L3MBTL4: variants seen among roughly 807,000 people sequenced by gnomAD.
The protein encoded by L3MBTL4 is lethal(3)malignant brain tumor-like protein 4.
A neutral mutation model predicts 84.5 loss-of-function variants in L3MBTL4; 70 were observed. The ratio of observed to expected loss-of-function variants is 0.83; its 90% CI spans 0.68 to 1.01. L3MBTL4 has a LOEUF of 1.01. Among genes scored for constraint, L3MBTL4 ranks in the 50% least tolerant of loss-of-function variants. The pLI is 0.00. For missense variants in L3MBTL4, 715 were observed against 754.8 expected, an observed-to-expected ratio of 0.95 and a Z score of 0.62; for synonymous variants, 274 against 259.8, an observed-to-expected ratio of 1.05 and a Z score of -0.52.
chr18:5,988,554 T>TC (rs2053559775), intron 16 of L3MBTL4, among the ~76,000 whole-genome samples: 1 of 152,254 alleles, frequency 6.6e-6, no homozygotes, highest in African/African-American at 2.4e-5. Flanking sequence ...ACTCTTTTTT[T>TC]CTGTAGATAA....
intron 14 of L3MBTL4, among the ~76,000 whole-genome samples, chr18:6,123,531 G>T (rs1421041690): frequency 6.6e-6 from 1 of 152,136 alleles, no homozygotes; most frequent in African/African-American, 2.4e-5. Flanking sequence ...TGTAAGATGT[G>T]CCTTTGCTAC....
At chr18:5,991,986 GCATCCATC>G (rs35529758) in intron 16 of L3MBTL4, among the ~76,000 whole-genome samples, 101 of 149,060 alleles carry the variant, frequency 6.8e-4, no homozygotes, top group East Asian at 2.8e-3. Context: ...TCCATCCAGT[GCATCCATC>G]CATCCATCCA....
intron 4 of L3MBTL4, among the ~76,000 whole-genome samples, chr18:6,271,874 A>G (rs976967047): frequency 6.6e-6 from 1 of 152,200 alleles, no homozygotes; most frequent in African/African-American, 2.4e-5. Context: ...GATGGGAGAC[A>G]CTGCTGGATC....
At chr18:6,152,637 T>C (rs1417233481) in intron 13 of L3MBTL4, among the ~76,000 whole-genome samples, 2 of 152,244 alleles carry the variant, frequency 1.3e-5, no homozygotes, top group African/African-American at 4.8e-5. Flanking sequence ...ATTCCTTATA[T>C]ACATGGAGAT....
intron 13 of L3MBTL4, among the ~76,000 whole-genome samples, chr18:6,160,575 T>C (rs1199133728): frequency 6.6e-6 from 1 of 151,804 alleles, no homozygotes; most frequent in Admixed American, 6.6e-5. Context: ...CTACTAAAAA[T>C]ACAAAAATTA....
intron 12 of L3MBTL4, among the ~76,000 whole-genome samples, chr18:6,195,312 T>TC (rs2045325768): frequency 3.3e-5 from 5 of 152,256 alleles, no homozygotes. Context: ...GCCACGGAAT[T>TC]CCCCATCAAT....
intron 16 of L3MBTL4, among the ~76,000 whole-genome samples, chr18:6,042,921 G>GAC (rs1479933686): frequency 1.3e-5 from 2 of 152,090 alleles, no homozygotes; most frequent in Middle Eastern, 3.2e-3. Flanking sequence ...CTCTCAAAAT[G>GAC]GTACACATTA....
intron 18 of L3MBTL4, among the ~76,000 whole-genome samples, 188 bp downstream of exon 18, chr18:5,959,906 A>T (rs553657223): frequency 6.6e-6 from 1 of 151,954 alleles, no homozygotes; most frequent in African/African-American, 2.4e-5. Context: ...ATTGGGCTCT[A>T]TTCCTGCTGG....
rs773409850 is a variant in L3MBTL4 at position 6,239,855 on chromosome 18, T to C, written c.570A>G (p.Lys190=). ...CCAGCTTCATTCCAACCTGAAATTCTTTAGACATTGGCCCATTCTAACGCA... is the reference window on the plus strand; with the variant it reads ...CCAGCTTCATTCCAACCTGAAATTCCTTAGACATTGGCCCATTCTAACGCA... ...RNRSPNGPMS[K]EFQVGMKLEA... Residue 190 remains lysine, a synonymous_variant, in exon 9 of 19, where the codon AAA becomes AAG. Coordinates refer to ENST00000317931, the MANE Select transcript of L3MBTL4 (RefSeq NM_001330559.2). 15 of 1,614,058 alleles carry C rather than the reference T, an allele frequency of 9.3e-6. No homozygotes were observed. Among genetic ancestry groups the C allele is most frequent in the South Asian group, 6.6e-5 (6 of 91,082 alleles).
chr18:5,963,775 C>T (rs900906004), intron 17 of L3MBTL4, among the ~76,000 whole-genome samples: 4 of 152,216 alleles, frequency 2.6e-5, no homozygotes, highest in African/African-American at 9.6e-5. Context: ...AAGTGGTGAG[C>T]TTTAGCATAG....
intron 16 of L3MBTL4, among the ~76,000 whole-genome samples, chr18:6,033,000 G>A (rs2055911994): frequency 6.6e-6 from 1 of 152,160 alleles, no homozygotes; most frequent in Non-Finnish European, 1.5e-5. Context: ...GTATGCCGCT[G>A]TTGGGTAGTG....
intron 11 of L3MBTL4, 27 bp downstream of exon 11, chr18:6,215,723 G>A (rs1341109768): frequency 7.4e-6 from 10 of 1,358,956 alleles, no homozygotes; most frequent in African/African-American, 1.5e-5. Flanking sequence ...GTTTAAAGGT[G>A]AGAGTTTGTA....
At chr18:6,230,430 G>A (rs540296577) in intron 10 of L3MBTL4, among the ~76,000 whole-genome samples, 109 of 152,252 alleles carry the variant, frequency 7.2e-4, no homozygotes, top group Non-Finnish European at 9.6e-4. Context: ...TTGGATGACT[G>A]TGTAGTATTC....
At chr18:6,009,224 A>G (rs1422916562) in intron 16 of L3MBTL4, among the ~76,000 whole-genome samples, 1 of 152,208 alleles carries the variant, frequency 6.6e-6, no homozygotes, top group Non-Finnish European at 1.5e-5. Context: ...CCAGAGAGTG[A>G]GTCCAGGAGT....
intron 14 of L3MBTL4, among the ~76,000 whole-genome samples, chr18:6,098,763 AATTAT>A (rs1481800595): frequency 6.6e-6 from 1 of 152,096 alleles, no homozygotes; most frequent in Non-Finnish European, 1.5e-5. Context: ...TTTGCTAACC[AATTAT>A]ATTATTTTCC....
At chr18:6,295,309 ACTCTCTCT>A (rs58507219) in intron 4 of L3MBTL4, among the ~76,000 whole-genome samples, 45 of 62,738 alleles carry the variant, frequency 7.2e-4, no homozygotes, top group East Asian at 2.5e-3. Context: ...AACAACAACA[ACTCTCTCT>A]CTCTCTCTCT....
At chr18:6,252,676 C>T (rs1387775407) in intron 5 of L3MBTL4, among the ~76,000 whole-genome samples, 1 of 152,174 alleles carries the variant, frequency 6.6e-6, no homozygotes, top group African/African-American at 2.4e-5. Context: ...AGGACGCAGG[C>T]CATGATAAGA....
chr18:6,156,702 C>T (rs150457810), intron 13 of L3MBTL4, among the ~76,000 whole-genome samples: 282 of 152,280 alleles, frequency 1.9e-3, no homozygotes, highest in Admixed American at 3.9e-3. Flanking sequence ...ATCTGGCGAG[C>T]CTTACTGTCA....
At chr18:6,145,652 A>G (rs1490145562) in intron 13 of L3MBTL4, among the ~76,000 whole-genome samples, 2 of 152,074 alleles carry the variant, frequency 1.3e-5, no homozygotes, top group African/African-American at 4.8e-5. Context: ...TAGAAGATGT[A>G]CAAACACTGC....
Sources: allele counts gnomAD v4.1 joint callset (sites outside exome capture counted in the v4.1 genomes callset), GRCh38; gene constraint gnomAD v4.1.1; transcripts MANE v1.5; gene names NCBI Gene and HGNC (gene_info 2026-07-23, HGNC 2026-07-21).